The following ZFAND3 variants were observed in gnomAD, a reference collection of about 807,000 sequenced individuals.
ZFAND3 encodes the protein AN1-type zinc finger protein 3.
ZFAND3 carries 10 observed loss-of-function variants against 29.6 expected under a neutral mutation model. The ratio of observed to expected loss-of-function variants is 0.34; its 90% CI spans 0.21 to 0.57. The LOEUF is 0.57. Ranked by LOEUF, ZFAND3 falls within the 20% of genes least tolerant of loss-of-function variation. The pLI, the probability that ZFAND3 is intolerant of heterozygous loss-of-function variation, is 0.86. For synonymous variants in ZFAND3, 128 were observed against 112.6 expected (o/e 1.14, Z -0.87); for missense variants, 230 against 304.5 (o/e 0.76, Z 1.82).
At chr6:38,041,371 T>C (rs1317865125) in intron 2 of ZFAND3, among the ~76,000 whole-genome samples, 1 of 152,150 alleles carries the variant, frequency 6.6e-6, no homozygotes, top group Non-Finnish European at 1.5e-5. Context: ...TTTTAGCATC[T>C]ATTGATGACT....
rs1761821594 is a variant in ZFAND3 at position 37,942,132 on chromosome 6, A to G, written c.112+12133A>G. On this transcript the variant is annotated intron_variant, in intron 2 of 5. Coordinates refer to ENST00000287218, the MANE Select transcript of ZFAND3 (RefSeq NM_021943.3). ...TGGCTTTGCCTTGCCAATTAGAACA[A>G]AGTGGTTACTGAGTAAGAGTATGTT... Among the ~76,000 whole-genome samples the G allele has an allele frequency of 2.0e-5, 3 of 152,276 alleles. No individual in the cohort carries two copies. In the South Asian group the frequency reaches 6.2e-4, roughly 32 times the overall value.
At chr6:37,961,754 C>G (rs904623088) in intron 2 of ZFAND3, among the ~76,000 whole-genome samples, 1 of 152,170 alleles carries the variant, frequency 6.6e-6, no homozygotes, top group Admixed American at 6.5e-5. Flanking sequence ...TGTCCAAGAC[C>G]GTCAAGGTGG....
Position 38,152,520 on chromosome 6 carries a change from C to T in ZFAND3, c.*131C>T. 7.3e-7 allele frequency: 1 copy of T among 1,372,288 alleles called. No homozygotes were observed. Among genetic ancestry groups the T allele is most frequent in the Non-Finnish European group, 9.4e-7 (1 of 1,062,982 alleles). 85.0% of individuals were successfully genotyped at this position (1,372,288 alleles called of 1,614,324 possible). On this transcript the variant is annotated 3_prime_UTR_variant, in exon 6 of 6. Coordinates refer to ENST00000287218, the MANE Select transcript of ZFAND3 (RefSeq NM_021943.3). ...AGCCAGTCCGTTTCCTTTCTTTAGC[C>T]AGCCATCCTGGTACTGTAGTTTAGG...
chr6:37,940,249 G>C (rs1761788478), intron 2 of ZFAND3, among the ~76,000 whole-genome samples: 1 of 152,206 alleles, frequency 6.6e-6, no homozygotes, highest in Admixed American at 6.5e-5. Context: ...GCTCCACCAA[G>C]TTTCAGATAC....
chr6:38,077,117 C>CT (rs531841469), intron 3 of ZFAND3, among the ~76,000 whole-genome samples: 9,842 of 139,452 alleles, frequency 0.071, 424 homozygotes, highest in Middle Eastern at 0.11. Flanking sequence ...TTATTTTGTC[C>CT]TTTTTTTTTT....
intron 2 of ZFAND3, among the ~76,000 whole-genome samples, chr6:38,007,837 T>C (rs976946786): frequency 1.3e-5 from 2 of 152,172 alleles, no homozygotes; most frequent in Non-Finnish European, 2.9e-5. Context: ...CTCACAAAGC[T>C]GGGTGGTGGT....
At chr6:38,109,427 C>T (rs1765272605) in intron 4 of ZFAND3, among the ~76,000 whole-genome samples, 1 of 151,996 alleles carries the variant, frequency 6.6e-6, no homozygotes, top group Non-Finnish European at 1.5e-5. Context: ...CGTGATCTGC[C>T]CGCCTCAGCG....
intron 3 of ZFAND3, 47 bp from the exon 4 acceptor site, chr6:38,082,345 A>C: frequency 6.5e-7 from 1 of 1,537,096 alleles, no homozygotes; most frequent in Non-Finnish European, 8.9e-7. Context: ...CTATATGGGC[A>C]TGTAAAGGAT....
At chr6:38,133,498 C>T (rs1765781892) in intron 5 of ZFAND3, among the ~76,000 whole-genome samples, 1 of 152,098 alleles carries the variant, frequency 6.6e-6, no homozygotes, top group Non-Finnish European at 1.5e-5. Flanking sequence ...GCTTGTAATC[C>T]CAGCACTTTG....
At chr6:37,859,159 A>G (rs1442374987) in intron 1 of ZFAND3, among the ~76,000 whole-genome samples, 2 of 152,190 alleles carry the variant, frequency 1.3e-5, no homozygotes, top group African/African-American at 2.4e-5. Flanking sequence ...TGCCTTGAAT[A>G]AGACAACCTC....
chr6:37,969,085 CTG>C (rs1762340300), intron 2 of ZFAND3, among the ~76,000 whole-genome samples: 2 of 152,284 alleles, frequency 1.3e-5, no homozygotes, highest in South Asian at 4.2e-4. Flanking sequence ...CAGCATGTGA[CTG>C]TACTGAATAC....
intron 2 of ZFAND3, among the ~76,000 whole-genome samples, chr6:38,035,929 C>T: frequency 6.6e-6 from 1 of 152,176 alleles, no homozygotes; most frequent in Non-Finnish European, 1.5e-5. Context: ...ATAAAGTCTA[C>T]TAAATCTCAG....
rs35783371 is a variant in ZFAND3, at chr6:37,976,584, C to CAAA, written c.112+46605_112+46607dup. Among the ~76,000 whole-genome samples, 296 of 76,784 alleles carry CAAA rather than the reference C, an allele frequency of 3.9e-3. 5 individuals are homozygous for CAAA. Among genetic ancestry groups the CAAA allele is most frequent in the East Asian group, 0.026 (57 of 2,186 alleles). The allele number at this position is 76,784 out of a possible 152,430, so 50.4% of individuals were successfully genotyped here. A position where few individuals can be genotyped will look rare whatever the true frequency, so the allele number is the denominator to read the frequency against. The stretch of plus-strand genomic sequence containing the variant: ...GTGTAACAGAGTGAGACACTGTCTC[C>CAAA]AAAAAAAAAAAAAAAAAAAAAAGAT... On this transcript the variant is annotated intron_variant, in intron 2 of 5. Coordinates refer to ENST00000287218, the MANE Select transcript of ZFAND3 (RefSeq NM_021943.3).
chr6:37,876,486 A>G (rs1764795050), intron 1 of ZFAND3, among the ~76,000 whole-genome samples: 1 of 152,242 alleles, frequency 6.6e-6, no homozygotes, highest in Non-Finnish European at 1.5e-5. Context: ...AATAAAATAT[A>G]GAAGAAAATA....
At chr6:37,821,286 C>T (rs1462795472) in intron 1 of ZFAND3, among the ~76,000 whole-genome samples, 1 of 152,326 alleles carries the variant, frequency 6.6e-6, no homozygotes, top group Admixed American at 6.5e-5. Context: ...TTCATTTTCT[C>T]ATTTTTCTGC....
chr6:37,850,459 G>T (rs1258274033), intron 1 of ZFAND3, among the ~76,000 whole-genome samples: 1 of 152,152 alleles, frequency 6.6e-6, no homozygotes, highest in Non-Finnish European at 1.5e-5. Context: ...ATGGGTAATA[G>T]TCATGTCAGT....
chr6:37,833,005 C>T (rs1039589321), intron 1 of ZFAND3: 1 of 152,124 alleles, frequency 6.6e-6, no homozygotes, highest in Non-Finnish European at 1.5e-5. Context: ...TTGACCTGCT[C>T]CATTTCTAAC....
At chr6:38,151,575 T>C (rs1174435065) in intron 5 of ZFAND3, among the ~76,000 whole-genome samples, 1 of 152,174 alleles carries the variant, frequency 6.6e-6, no homozygotes, top group African/African-American at 2.4e-5. Context: ...GGCCCGAGTG[T>C]GGGCATCTCA....
intron 1 of ZFAND3, among the ~76,000 whole-genome samples, chr6:37,836,567 A>G (rs952594544): frequency 1.3e-5 from 2 of 152,168 alleles, no homozygotes; most frequent in African/African-American, 4.8e-5. Context: ...AACTTGAGTA[A>G]TGCTTTTAAA....
Sources: allele counts gnomAD v4.1 joint callset (sites outside exome capture counted in the v4.1 genomes callset), GRCh38; gene constraint gnomAD v4.1.1; transcripts MANE v1.5; gene names NCBI Gene and HGNC (gene_info 2026-07-23, HGNC 2026-07-21).